The following SLC46A3 variants were observed in gnomAD, a reference collection of about 807,000 sequenced individuals.
The protein encoded by SLC46A3 is solute carrier family 46 member 3, also known as lysosomal proton-coupled steroid conjugate and bile acid symporter SLC46A3.
A neutral mutation model predicts 38.5 loss-of-function variants in SLC46A3; 26 were observed. The observed-to-expected ratio is 0.68, with a 90% CI of 0.49 to 0.94. The LOEUF (loss-of-function observed/expected upper bound fraction) is 0.94, where lower values mean the gene tolerates loss of function less well. Ranked by LOEUF, SLC46A3 falls within the 40% of genes least tolerant of loss-of-function variation. The pLI is 0.00. For missense variants in SLC46A3, 510 were observed against 544.3 expected, an observed-to-expected ratio of 0.94 and a Z score of 0.63; for synonymous variants, 185 against 192.5, an observed-to-expected ratio of 0.96 and a Z score of 0.32.
intron 2 of SLC46A3, among the ~76,000 whole-genome samples, chr13:28,714,417 C>G (rs1357494161): frequency 6.6e-6 from 1 of 151,996 alleles, no homozygotes; most frequent in Non-Finnish European, 1.5e-5. Context: ...TGAGACCAGC[C>G]TGGGCAACAT....
rs1885379553 is a variant in SLC46A3 at position 28,712,700 on chromosome 13, G to C, written c.1040C>G (p.Thr347Arg). The C allele has an allele frequency of 6.3e-7, 1 of 1,599,568 alleles. No homozygotes were observed. The highest frequency in any genetic ancestry group is 8.5e-7 in the Non-Finnish European group (1 of 1,175,994). Reference protein sequence around the residue: ...TGMAMTAFASTTLMMFLARVP... With the variant: ...TGMAMTAFASRTLMMFLARVP... ...CTCACCTAAAAACATCATCAGTGTT[G>C]TACTGGCAAACGCGGTCATAGCCAT... The change falls in exon 3 of 6, where the codon ACA becomes AGA. Residue 347 changes from threonine to arginine, a missense_variant. Thr to Arg is a moderately conservative substitution (Grantham distance 71). Coordinates refer to ENST00000266943, the MANE Select transcript of SLC46A3 (RefSeq NM_181785.4).
Position 28,713,554 on chromosome 13 carries a change from C to CAAAGAAATATAAAGAAATAT in SLC46A3, c.190-5_190-4insATATTTCTTTATATTTCTTT, listed in dbSNP as rs1885436130. The stretch of plus-strand genomic sequence containing the variant: ...GTGACACTTTTTTCTGAACTTCCTG[C>CAAAGAAATATAAAGAAATAT]AAAGAAATATAAAGAAGACAATGTG... On this transcript the variant is annotated splice_polypyrimidine_tract_variant and splice_region_variant and intron_variant, in intron 2 of 5. Coordinates refer to ENST00000266943, the MANE Select transcript of SLC46A3 (RefSeq NM_181785.4). 1 of 1,598,072 alleles carries CAAAGAAATATAAAGAAATAT rather than the reference C, an allele frequency of 6.3e-7. No individual in the cohort carries two copies.
chr13:28,717,328 T>C (rs1004395402), intron 2 of SLC46A3, among the ~76,000 whole-genome samples: 2 of 151,972 alleles, frequency 1.3e-5, no homozygotes, highest in African/African-American at 4.8e-5. Flanking sequence ...CAATCTTCAG[T>C]GATGGGCCAC....
chr13:28,712,962 G>A lies in SLC46A3; in HGVS notation c.778C>T (p.Leu260Phe), dbSNP rs201363244. Residue 260 changes from leucine (L) to phenylalanine (F), a missense_variant, in exon 3 of 6, where the codon CTC becomes TTC. Transcript: ENST00000266943. ...KNASGKRRFLLCLLLFTVITY... is the reference protein window; with the variant it reads ...KNASGKRRFLFCLLLFTVITY... ...ATTACTGTAAAAAGTAACAAACAGA[G>A]CAAAAATCGTCTCTTACCAGAAGCA... 7.5e-5 allele frequency: 121 copies of A among 1,612,096 alleles called. 1 individual carries two copies. In the South Asian group the frequency reaches 1.2e-3, roughly 16 times the overall value.
chr13:28,701,651 A>C, intron 5 of SLC46A3, 70 bp from the exon 6 acceptor site: 4 of 1,457,272 alleles, frequency 2.7e-6, no homozygotes, highest in Non-Finnish European at 3.8e-6. Context: ...CTGTTTTCCA[A>C]CTTTTTTTCC....
At chr13:28,716,523 C>A (rs1451855866) in intron 2 of SLC46A3, among the ~76,000 whole-genome samples, 2 of 152,000 alleles carry the variant, frequency 1.3e-5, no homozygotes, top group Non-Finnish European at 2.9e-5. Context: ...GTGAGCCGAT[C>A]GAAGCTTCTC....
chr13:28,715,978 C>CAAA (rs10594317), intron 2 of SLC46A3, among the ~76,000 whole-genome samples: 18 of 128,718 alleles, frequency 1.4e-4, no homozygotes, highest in Admixed American at 2.4e-4. Context: ...CCTGTCTCTA[C>CAAA]AAAAAAAAAA....
In SLC46A3 at chr13:28,712,999, C is replaced by T. The variant is rs751863082; in HGVS notation, c.741G>A (p.Met247Ile). Reference sequence around the variant, plus strand: ...TCTTACCAGAAGCATTCTTAAAAAGCATGTAAGTTCGGTAAAATAGGTTTT... The same window carrying T: ...TCTTACCAGAAGCATTCTTAAAAAGTATGTAAGTTCGGTAAAATAGGTTTT... ...GFKNLFYRTYMLFKNASGKRR... is the reference protein window; with the variant it reads ...GFKNLFYRTYILFKNASGKRR... Residue 247 changes from methionine (M) to isoleucine (I), a missense_variant, in exon 3 of 6, where the codon ATG (methionine) becomes ATA (isoleucine). Transcript: ENST00000266943. 1 of 1,613,162 alleles carries T rather than the reference C, an allele frequency of 6.2e-7. No individual in the cohort carries two copies. Among genetic ancestry groups the T allele is most frequent in the East Asian group, 2.2e-5 (1 of 44,862 alleles).
intron 3 of SLC46A3, among the ~76,000 whole-genome samples, chr13:28,712,304 A>T (rs775949543): frequency 6.6e-6 from 1 of 152,174 alleles, no homozygotes; most frequent in Non-Finnish European, 1.5e-5. Flanking sequence ...TTTTTTTCTT[A>T]TAAGTATTTT....
intron 3 of SLC46A3, among the ~76,000 whole-genome samples, chr13:28,711,892 T>C (rs1885355929): frequency 6.6e-6 from 1 of 152,160 alleles, no homozygotes; most frequent in African/African-American, 2.4e-5. Context: ...ATCCTCTAAA[T>C]TAGGTAGTAC....
intron 2 of SLC46A3, among the ~76,000 whole-genome samples, chr13:28,716,183 TAAAC>T (rs1308445614): frequency 2.6e-5 from 4 of 151,940 alleles, no homozygotes; most frequent in Non-Finnish European, 4.4e-5. Flanking sequence ...AAATACATAA[TAAAC>T]AAAATAAAAT....
In SLC46A3 at chr13:28,701,459, G is replaced by C; in HGVS notation, c.*38C>G. Reference sequence around the variant, plus strand: ...CTTCAGAAGTCATGGTATATGATATGTGCATTCATAGATTTTTTTTGTTTG... The same window carrying C: ...CTTCAGAAGTCATGGTATATGATATCTGCATTCATAGATTTTTTTTGTTTG... On this transcript the variant is annotated 3_prime_UTR_variant, in exon 6 of 6. Coordinates refer to ENST00000266943, the MANE Select transcript of SLC46A3 (RefSeq NM_181785.4). The C allele has an allele frequency of 4.4e-6, 7 of 1,606,416 alleles. No individual in the cohort carries two copies. Among genetic ancestry groups the C allele is most frequent in the Non-Finnish European group, 5.9e-6 (7 of 1,177,512 alleles).
At chr13:28,703,464 T>C (rs910224600) in intron 5 of SLC46A3, among the ~76,000 whole-genome samples, 2 of 152,232 alleles carry the variant, frequency 1.3e-5, no homozygotes, top group African/African-American at 4.8e-5. Context: ...ATCCTTCTTT[T>C]AGTTCTTCAC....
rs946958974 is a variant in SLC46A3 at position 28,711,439 on chromosome 13, C to CA, written c.1061-597dup. On this transcript the variant is annotated intron_variant, in intron 3 of 5. Transcript: ENST00000266943. ...CTCCATCTCAAAGAAAAAAAAAAAA[C>CA]AAAAAAAAAAACTGATCTGCTTATT... Among the ~76,000 whole-genome samples, 1,155 of 140,042 alleles carry CA rather than the reference C, an allele frequency of 8.2e-3. 9 individuals are homozygous for CA. The highest frequency in any genetic ancestry group is 0.021 in the African/African-American group (822 of 38,328). 91.9% of individuals were successfully genotyped at this position (140,042 alleles called of 152,430 possible). A position where few individuals can be genotyped will look rare whatever the true frequency, so the allele number is the denominator to read the frequency against.
Position 28,717,811 on chromosome 13 carries a change from T to G in SLC46A3, c.188A>C (p.Glu63Ala). The change falls in exon 2 of 6, where the codon GAG becomes GCG. Residue 63 changes from glutamate to alanine, a missense_variant and splice_region_variant. Coordinates refer to ENST00000266943, the MANE Select transcript of SLC46A3 (RefSeq NM_181785.4). ...NKSSPIFAFQ[E>A]EVQKKVSRFN... The stretch of plus-strand genomic sequence containing the variant: ...ACTATGGATATTGTAATTTCTTACC[T>G]CCTGGAATGCAAAAATTGGGCTGCT... The G allele has an allele frequency of 6.2e-7, 1 of 1,613,022 alleles. No individual in the cohort carries two copies.
At chr13:28,706,878 A>C (rs915483073) in intron 4 of SLC46A3, among the ~76,000 whole-genome samples, 1 of 152,230 alleles carries the variant, frequency 6.6e-6, no homozygotes. Context: ...TAGAATGGCG[A>C]TCATTAAAAA....
Position 28,700,970 on chromosome 13 carries a change from C to A in SLC46A3, c.*527G>T, listed in dbSNP as rs1170655524. The A allele has an allele frequency of 1.3e-6, 2 of 1,532,746 alleles. No individual in the cohort carries two copies. The highest frequency in any genetic ancestry group is 2.0e-5 in the Admixed American group (1 of 50,294). 94.9% of individuals were successfully genotyped at this position (1,532,746 alleles called of 1,614,324 possible). ...GCTTAACAGGCTCTATAAAATAAAG[C>A]ATTACCAAGTATAGGTAAAATCATA... On this transcript the variant is annotated 3_prime_UTR_variant, in exon 6 of 6. Coordinates refer to ENST00000266943, the MANE Select transcript of SLC46A3 (RefSeq NM_181785.4).
Position 28,710,671 on chromosome 13 carries a change from G to A in SLC46A3, c.1144+89C>T, listed in dbSNP as rs544868110. On this transcript the variant is annotated intron_variant, in intron 4 of 5. Coordinates refer to ENST00000266943, the MANE Select transcript of SLC46A3 (RefSeq NM_181785.4). ...AGATCCGTGCATAAAAAGGGCTGTA[G>A]AATATTCTGAAGCATTAAACATTGA... The A allele has an allele frequency of 1.5e-5, 15 of 1,001,168 alleles. No homozygotes were observed. In the East Asian group the frequency reaches 3.3e-4, roughly 22 times the overall value. 62.0% of individuals were successfully genotyped at this position (1,001,168 alleles called of 1,614,324 possible).
chr13:28,710,802 G>C lies in SLC46A3; in HGVS notation c.1102C>G (p.Leu368Val). ...FLFTIVPFSV[L>V]RSMLSKVVRS... ...ACCACTTTTGACAACATGGACCGTA[G>C]AACAGAGAATGGCACAATAGTGAAA... The change falls in exon 4 of 6, where the codon CTA becomes GTA. Residue 368 changes from leucine to valine, a missense_variant. By Grantham distance (32) the Leu-to-Val change is conservative. Transcript: ENST00000266943. The C allele has an allele frequency of 6.2e-7, 1 of 1,614,074 alleles. No individual in the cohort carries two copies. Among genetic ancestry groups the C allele is most frequent in the Non-Finnish European group, 8.5e-7 (1 of 1,179,978 alleles).
Sources: allele counts gnomAD v4.1 joint callset (sites outside exome capture counted in the v4.1 genomes callset), GRCh38; gene constraint gnomAD v4.1.1; transcripts MANE v1.5; gene names NCBI Gene and HGNC (gene_info 2026-07-23, HGNC 2026-07-21).